The following FGF13 variants were observed in gnomAD, a reference collection of about 807,000 sequenced individuals.
FGF13 encodes fibroblast growth factor homologous factor 2.
FGF13 carries 2 observed loss-of-function variants against 19.5 expected under a neutral mutation model. The ratio of observed to expected loss-of-function variants is 0.10; its 90% CI spans 0.04 to 0.32. The LOEUF (loss-of-function observed/expected upper bound fraction) is 0.32, where lower values mean the gene tolerates loss of function less well. FGF13 is among the 10% of genes least tolerant of loss of function. The pLI is 1.00. For missense variants in FGF13, 113 were observed against 192.7 expected, an observed-to-expected ratio of 0.59 and a Z score of 2.45; for synonymous variants, 72 against 76.9, an observed-to-expected ratio of 0.94 and a Z score of 0.33.
chrX:138,911,834 C>T (rs1049588811), intron 1 of FGF13, among the ~76,000 whole-genome samples: 1 of 111,248 alleles, frequency 9.0e-6, no homozygotes. Flanking sequence ...CTATATGTTC[C>T]GAAACACCCA....
At chrX:138,673,363 C>T (rs1483139921) in intron 3 of FGF13, among the ~76,000 whole-genome samples, 2 of 110,415 alleles carry the variant, frequency 1.8e-5, no homozygotes, top group Non-Finnish European at 3.8e-5. Flanking sequence ...TTACGTAGCC[C>T]GCGGAAAAAC....
intron 3 of FGF13, among the ~76,000 whole-genome samples, chrX:138,809,412 C>T (rs900957179): frequency 9.0e-6 from 1 of 111,619 alleles, no homozygotes; most frequent in South Asian, 3.7e-4. Context: ...ATGCTAAAAA[C>T]TCTCAATAAA....
intron 3 of FGF13, among the ~76,000 whole-genome samples, chrX:138,779,682 G>C (rs1171174490): frequency 9.1e-6 from 1 of 110,432 alleles, no homozygotes; most frequent in Non-Finnish European, 1.9e-5. Flanking sequence ...CCAAATCTAC[G>C]TCTGATTGGT....
chrX:139,101,892 G>A (rs189796785), intron 1 of FGF13, among the ~76,000 whole-genome samples: 1 of 112,022 alleles, frequency 8.9e-6, no homozygotes, highest in South Asian at 3.7e-4. Flanking sequence ...GACTGGGCTG[G>A]GAGAATGGCT....
At chrX:139,158,081 A>G (rs1419426627) in intron 1 of FGF13, among the ~76,000 whole-genome samples, 3 of 111,818 alleles carry the variant, frequency 2.7e-5, no homozygotes, top group Non-Finnish European at 5.6e-5. Context: ...CAGCCCAGAT[A>G]CTATGCCCTT....
intron 1 of FGF13, among the ~76,000 whole-genome samples, chrX:139,132,307 C>T (rs1258118587): frequency 9.0e-6 from 1 of 111,723 alleles, no homozygotes; most frequent in African/African-American, 3.3e-5. Flanking sequence ...CCAAGCACCA[C>T]TTTGGCAACA....
rs946391325 is a variant in FGF13, at chrX:139,070,739, C to A, written c.-113+132677G>T. On this transcript the variant is annotated intron_variant, in intron 1 of 2. Transcript: ENST00000421460. ...ACGTGAAACCAACACAAATGCCCATCAATGATAGAGTGGATAAAGAAAATG... is the reference window on the plus strand; with the variant it reads ...ACGTGAAACCAACACAAATGCCCATAAATGATAGAGTGGATAAAGAAAATG... Among the ~76,000 whole-genome samples the A allele has an allele frequency of 5.4e-5, 6 of 111,933 alleles. No individual in the cohort carries two copies. The Admixed American group carries it at 5.7e-4, about 11-fold the overall frequency.
chrX:139,059,892 A>G (rs978177136), intron 1 of FGF13, among the ~76,000 whole-genome samples: 17 of 111,803 alleles, frequency 1.5e-4, no homozygotes, highest in African/African-American at 5.2e-4. Flanking sequence ...CATGGAAAAT[A>G]TCTAGAAGTG....
Position 138,783,789 on chromosome X carries a change from A to G in FGF13, c.217+73723T>C, listed in dbSNP as rs1302919264. 8.2e-5 allele frequency among the ~76,000 whole-genome samples: 9 copies of G among 109,532 alleles called. No homozygotes were observed. In the Admixed American group the frequency reaches 8.8e-4, roughly 11 times the overall value. Reference sequence around the variant, plus strand: ...TCAGGGATCTAGAACTGGAAATACCATTTGACGCAGCCATCCCATTACTGG... The same window carrying G: ...TCAGGGATCTAGAACTGGAAATACCGTTTGACGCAGCCATCCCATTACTGG... On this transcript the variant is annotated intron_variant, in intron 3 of 6. Coordinates refer to the FGF13 transcript ENST00000436198.
intron 1 of FGF13, among the ~76,000 whole-genome samples, chrX:139,161,608 T>C (rs185518062): frequency 1.2e-3 from 132 of 112,043 alleles, no homozygotes; most frequent in African/African-American, 4.2e-3. Context: ...GGAAGTCAAA[T>C]TGTCTCTGTA....
intron 3 of FGF13, among the ~76,000 whole-genome samples, chrX:138,673,638 C>G (rs774390019): frequency 9.0e-6 from 1 of 111,312 alleles, no homozygotes; most frequent in Admixed American, 9.6e-5. Flanking sequence ...TTTAAGGACC[C>G]CTTTTTCTTT....
chrX:139,052,650 A>T (rs1018006334), intron 1 of FGF13, among the ~76,000 whole-genome samples: 1 of 111,070 alleles, frequency 9.0e-6, no homozygotes, highest in African/African-American at 3.3e-5. Context: ...CTTTCTCAAA[A>T]CACTCCTGTC....
chrX:138,707,268 T>C (rs2284159), intron 2 of FGF13, among the ~76,000 whole-genome samples: 17,747 of 109,259 alleles, frequency 0.16, 1,058 homozygotes, highest in South Asian at 0.25. Flanking sequence ...AATTATCTAC[T>C]TTTTTTTTAT....
intron 3 of FGF13, among the ~76,000 whole-genome samples, chrX:138,765,643 C>G (rs1182982906): frequency 1.8e-5 from 2 of 112,044 alleles, no homozygotes; most frequent in Non-Finnish European, 3.8e-5. Flanking sequence ...AAAGAGCTGT[C>G]TCAGCAGTCA....
intron 1 of FGF13, among the ~76,000 whole-genome samples, chrX:139,115,113 T>C (rs920755641): frequency 9.0e-6 from 1 of 111,470 alleles, no homozygotes; most frequent in African/African-American, 3.3e-5. Context: ...CTCACAGCCA[T>C]CTTAAAATTA....
At chrX:139,123,177 C>T (rs1228419264) in intron 1 of FGF13, among the ~76,000 whole-genome samples, 5 of 111,824 alleles carry the variant, frequency 4.5e-5, no homozygotes, top group Non-Finnish European at 9.4e-5. Flanking sequence ...CTGTTCCCAC[C>T]TCTGCCTCCC....
intron 3 of FGF13, among the ~76,000 whole-genome samples, chrX:138,779,483 C>A (rs2090619543): frequency 9.1e-6 from 1 of 109,299 alleles, no homozygotes; most frequent in African/African-American, 3.3e-5. Context: ...GCTGATGGAG[C>A]TGAAAACCAA....
chrX:138,982,363 T>C (rs1179331608), intron 1 of FGF13, among the ~76,000 whole-genome samples: 3 of 111,964 alleles, frequency 2.7e-5, no homozygotes, highest in Non-Finnish European at 5.6e-5. Context: ...GCTTTAACAA[T>C]ATTCTCAGCC....
At chrX:138,943,361 T>G in intron 1 of FGF13, among the ~76,000 whole-genome samples, 1 of 112,454 alleles carries the variant, frequency 8.9e-6, no homozygotes, top group Non-Finnish European at 1.9e-5. Context: ...GCACCCTGCA[T>G]GTAGGACAGT....
Sources: gnomAD v4.1 joint callset for allele counts (sites outside exome capture counted in the v4.1 genomes callset) on GRCh38, gnomAD v4.1.1 for gene constraint, MANE v1.5 for transcripts, NCBI Gene and HGNC (gene_info 2026-07-23, HGNC 2026-07-21) for gene names.